PDE4D: variants seen among roughly 807,000 people sequenced by gnomAD.
PDE4D encodes phosphodiesterase 4D.
In PDE4D, 24 loss-of-function variants were observed where a neutral mutation model predicts 87.4. The observed-to-expected ratio is 0.27, with a 90% CI of 0.20 to 0.39. PDE4D has a LOEUF of 0.39. Ranked by LOEUF, PDE4D falls within the 10% of genes least tolerant of loss-of-function variation. PDE4D has a pLI of 1.00. For synonymous variants in PDE4D, 384 were observed against 383.2 expected, an observed-to-expected ratio of 1.00 and a Z score of -0.02; for missense variants, 714 against 1,041.0, an observed-to-expected ratio of 0.69 and a Z score of 4.32.
intron 5 of PDE4D, among the ~76,000 whole-genome samples, chr5:59,104,162 C>T (rs1407184635): frequency 9.6e-6 from 1 of 103,950 alleles, no homozygotes; most frequent in East Asian, 2.3e-4. Flanking sequence ...AATTAAACCT[C>T]AATAGTCTTA....
At chr5:60,272,011 G>A (rs1750863451) in intron 1 of PDE4D, among the ~76,000 whole-genome samples, 3 of 152,174 alleles carry the variant, frequency 2.0e-5, no homozygotes, top group Non-Finnish European at 4.4e-5. Flanking sequence ...GAAAGGGACA[G>A]AAACAAGAAT....
At chr5:59,931,522 G>T (rs1239769219) in intron 3 of PDE4D, among the ~76,000 whole-genome samples, 2 of 152,026 alleles carry the variant, frequency 1.3e-5, no homozygotes, top group African/African-American at 4.8e-5. Context: ...GTTTCACATG[G>T]CAAGGGGACT....
intron 3 of PDE4D, among the ~76,000 whole-genome samples, chr5:59,950,319 A>G (rs1413150396): frequency 6.6e-6 from 1 of 152,152 alleles, no homozygotes; most frequent in Non-Finnish European, 1.5e-5. Context: ...GGCCAGATAA[A>G]AGTAAAAGAG....
At chr5:59,569,016 A>G (rs1490991374) in intron 1 of PDE4D, among the ~76,000 whole-genome samples, 1 of 152,158 alleles carries the variant, frequency 6.6e-6, no homozygotes, top group African/African-American at 2.4e-5. Flanking sequence ...TATCTTTGCC[A>G]TTTTTCTGCA....
At chr5:60,397,668 T>G (rs2150039291) in intron 1 of PDE4D, among the ~76,000 whole-genome samples, 1 of 152,288 alleles carries the variant, frequency 6.6e-6, no homozygotes, top group East Asian at 1.9e-4. Flanking sequence ...GGAGAGATAT[T>G]GGTCAAAGGA....
At position 60,097,354 on chromosome 5, in the gene PDE4D, G is replaced by T. The variant is rs76299668; in HGVS notation, c.42+88203C>A. 7.0e-3 allele frequency among the ~76,000 whole-genome samples: 1,057 copies of T among 151,394 alleles called. 9 individuals carry two copies. Among genetic ancestry groups the T allele is most frequent in the African/African-American group, 0.024 (1,005 of 41,362 alleles). On this transcript the variant is annotated intron_variant, in intron 2 of 16. Transcript: ENST00000502484. ...TAAAGGACAAATAGAGAGCAAGTTG[G>T]AGAAATGCAGTATGAAGCCCTGCCT...
At chr5:60,210,689 C>G (rs900790361) in intron 1 of PDE4D, among the ~76,000 whole-genome samples, 1 of 151,664 alleles carries the variant, frequency 6.6e-6, no homozygotes, top group Non-Finnish European at 1.5e-5. Flanking sequence ...GTTTTAAAAC[C>G]TATTTCAAAC....
intron 1 of PDE4D, among the ~76,000 whole-genome samples, chr5:59,359,970 G>A (rs536584278): frequency 1.3e-5 from 2 of 152,074 alleles, no homozygotes; most frequent in African/African-American, 2.4e-5. Flanking sequence ...CAAAGTGCCC[G>A]TCTCCTGCCA....
intron 1 of PDE4D, among the ~76,000 whole-genome samples, chr5:59,595,873 G>A (rs1173018642): frequency 6.6e-6 from 1 of 151,916 alleles, no homozygotes; most frequent in East Asian, 1.9e-4. Context: ...TGTATTGTAT[G>A]GTCCAGGTAA....
At chr5:59,337,715 C>G (rs867481347) in intron 1 of PDE4D, among the ~76,000 whole-genome samples, 1 of 152,142 alleles carries the variant, frequency 6.6e-6, no homozygotes, top group Non-Finnish European at 1.5e-5. Context: ...AGTTTGATGC[C>G]TCTCCTGGGT....
chr5:59,384,164 C>T (rs1266421774), intron 1 of PDE4D, among the ~76,000 whole-genome samples: 3 of 152,176 alleles, frequency 2.0e-5, no homozygotes, highest in Non-Finnish European at 2.9e-5. Flanking sequence ...CCTGGGCCTC[C>T]CAAAGTGCTA....
At chr5:59,458,049 T>C (rs1029961820) in intron 1 of PDE4D, among the ~76,000 whole-genome samples, 2 of 152,244 alleles carry the variant, frequency 1.3e-5, no homozygotes, top group African/African-American at 4.8e-5. Flanking sequence ...TATTGACTTC[T>C]GATCTGCTTT....
intron 1 of PDE4D, among the ~76,000 whole-genome samples, chr5:59,793,942 C>CATAT (rs1365104518): frequency 9.9e-5 from 15 of 152,134 alleles, no homozygotes; most frequent in South Asian, 2.1e-4. Flanking sequence ...AAATACAGCT[C>CATAT]ATATATACAG....
chr5:59,451,670 A>T (rs113181452), intron 1 of PDE4D, among the ~76,000 whole-genome samples: 2 of 152,070 alleles, frequency 1.3e-5, no homozygotes, highest in Non-Finnish European at 2.9e-5. Context: ...TCCTACCTCT[A>T]TCTCTCAGAT....
chr5:59,113,468 A>G (rs1448840676), intron 5 of PDE4D, among the ~76,000 whole-genome samples: 1 of 152,222 alleles, frequency 6.6e-6, no homozygotes, highest in Non-Finnish European at 1.5e-5. Context: ...ACATCAACAA[A>G]TCAAAATAAT....
intron 1 of PDE4D, among the ~76,000 whole-genome samples, chr5:59,518,193 T>TCG (rs35039897): frequency 0.035 from 5,177 of 149,502 alleles, 183 homozygotes; most frequent in African/African-American, 0.088. Flanking sequence ...ACTTGTGTGT[T>TCG]TGTGTGTGTG....
intron 1 of PDE4D, among the ~76,000 whole-genome samples, chr5:60,432,784 C>A (rs796925157): frequency 4.6e-5 from 7 of 152,290 alleles, no homozygotes; most frequent in African/African-American, 1.7e-4. Flanking sequence ...CACACACTTA[C>A]AACCATCTGA....
At chr5:59,021,975 G>A (rs1365723912) in intron 6 of PDE4D, among the ~76,000 whole-genome samples, 1 of 152,126 alleles carries the variant, frequency 6.6e-6, no homozygotes, top group Non-Finnish European at 1.5e-5. Flanking sequence ...GGGATGGCTT[G>A]GCAGTTGGCC....
At chr5:60,375,422 A>T (rs1474469948) in intron 1 of PDE4D, among the ~76,000 whole-genome samples, 3 of 152,184 alleles carry the variant, frequency 2.0e-5, no homozygotes, top group African/African-American at 7.2e-5. Context: ...AACCAATTTT[A>T]TTATGTAGGG....
Sources: gnomAD v4.1 joint callset for allele counts (sites outside exome capture counted in the v4.1 genomes callset) on GRCh38, gnomAD v4.1.1 for gene constraint, MANE v1.5 for transcripts, NCBI Gene and HGNC (gene_info 2026-07-23, HGNC 2026-07-21) for gene names.